Variants in PEAK1 observed in about 807,000 individuals in gnomAD.
PEAK1 encodes inactive tyrosine-protein kinase PEAK1.
In PEAK1, 54 loss-of-function variants were observed where a neutral mutation model predicts 124.7. The observed-to-expected ratio is 0.43, with a 90% CI of 0.35 to 0.54. PEAK1 has a LOEUF of 0.54. Ranked by LOEUF, PEAK1 falls within the 20% of genes least tolerant of loss-of-function variation. The pLI, the probability that PEAK1 is intolerant of heterozygous loss-of-function variation, is 0.01. For missense variants in PEAK1, 2,046 were observed against 2,134.5 expected, an observed-to-expected ratio of 0.96 and a Z score of 0.82; for synonymous variants, 719 against 760.0, an observed-to-expected ratio of 0.95 and a Z score of 0.89.
In PEAK1 at chr15:77,401,408, T is replaced by C. The variant is rs2071367004; in HGVS notation, c.-666+18598A>G. The stretch of plus-strand genomic sequence containing the variant: ...AATTTTAGCACTAATTAAGAATACT[T>C]TTTCTTGTTCTTTCAACATTTTCCT... On this transcript the variant is annotated intron_variant, in intron 1 of 9. Transcript: ENST00000682557. The C allele has an allele frequency of 7.0e-6, 5 of 712,988 alleles. No individual in the cohort carries two copies. In the South Asian group the frequency reaches 3.1e-4, roughly 45 times the overall value. 44.2% of individuals were successfully genotyped at this position (712,988 alleles called of 1,614,324 possible).
intron 1 of PEAK1, among the ~76,000 whole-genome samples, chr15:77,370,327 C>CA (rs1322937293): frequency 6.6e-6 from 1 of 151,984 alleles, no homozygotes; most frequent in East Asian, 1.9e-4. Context: ...CAGGTACACA[C>CA]AAAAAAGTTT....
At chr15:77,325,401 C>T (rs1156538260) in intron 2 of PEAK1, among the ~76,000 whole-genome samples, 1 of 145,954 alleles carries the variant, frequency 6.9e-6, no homozygotes, top group Non-Finnish European at 1.5e-5. Context: ...GAGCAAGATC[C>T]CATCTCAATA....
intron 2 of PEAK1, among the ~76,000 whole-genome samples, chr15:77,332,676 C>T (rs1011186277): frequency 2.7e-4 from 41 of 151,936 alleles, no homozygotes; most frequent in African/African-American, 9.9e-4. Context: ...TGGTTGTTTC[C>T]AAGCACCCTG....
intron 6 of PEAK1, among the ~76,000 whole-genome samples, chr15:77,236,119 C>CA (rs2060110474): frequency 6.6e-6 from 1 of 152,226 alleles, no homozygotes; most frequent in Non-Finnish European, 1.5e-5. Context: ...AGTCTCCACA[C>CA]AGAGTCCCCA....
intron 6 of PEAK1, among the ~76,000 whole-genome samples, chr15:77,200,619 T>G (rs2058317754): frequency 6.6e-6 from 1 of 152,214 alleles, no homozygotes; most frequent in Non-Finnish European, 1.5e-5. Flanking sequence ...CATAGTAGAT[T>G]CACATTTTAC....
intron 6 of PEAK1, among the ~76,000 whole-genome samples, chr15:77,236,427 G>A (rs1445759850): frequency 6.6e-6 from 1 of 152,170 alleles, no homozygotes; most frequent in Non-Finnish European, 1.5e-5. Flanking sequence ...ACTTGCATGA[G>A]GCCTATAGTC....
At chr15:77,378,927 G>A (rs2069249859) in intron 1 of PEAK1, among the ~76,000 whole-genome samples, 1 of 152,154 alleles carries the variant, frequency 6.6e-6, no homozygotes, top group Admixed American at 6.6e-5. Context: ...GTGTAAGTCC[G>A]AGGATTTTGC....
chr15:77,162,945 TATTG>T (rs373402891), intron 7 of PEAK1, among the ~76,000 whole-genome samples: 3 of 152,352 alleles, frequency 2.0e-5, no homozygotes, highest in East Asian at 1.9e-4. Context: ...TACAATTTGA[TATTG>T]ATTACTATAA....
intron 5 of PEAK1, among the ~76,000 whole-genome samples, chr15:77,263,431 C>T (rs866986586): frequency 3.7e-4 from 56 of 152,114 alleles, no homozygotes; most frequent in Middle Eastern, 3.4e-3. Context: ...ATATCACCAC[C>T]GATCCCACAG....
At chr15:77,375,144 CAG>C (rs1567323799) in intron 1 of PEAK1, among the ~76,000 whole-genome samples, 1 of 152,156 alleles carries the variant, frequency 6.6e-6, no homozygotes, top group South Asian at 2.1e-4. Context: ...GTAATAGTTA[CAG>C]TATCTATCAT....
rs539824358 is a variant in PEAK1, at chr15:77,120,803, A to G, written c.4078-5484T>C. 5.9e-5 allele frequency among the ~76,000 whole-genome samples: 9 copies of G among 152,038 alleles called. No individual in the cohort carries two copies. The South Asian group carries it at 1.9e-3, about 32-fold the overall frequency. On this transcript the variant is annotated intron_variant, in intron 9 of 9. Coordinates refer to ENST00000682557, the MANE Select transcript of PEAK1 (RefSeq NM_001385026.1). ...GCCTCCCTTTCCAGTCCTACTTCCC[A>G]CCTGTGTTCCATTTGCTCTTACTAT...
At chr15:77,144,692 T>A (rs987240659) in intron 8 of PEAK1, among the ~76,000 whole-genome samples, 7 of 152,142 alleles carry the variant, frequency 4.6e-5, no homozygotes, top group African/African-American at 1.7e-4. Flanking sequence ...CACATGAGAA[T>A]CAGAAACTTA....
chr15:77,400,312 T>C (rs576462281), intron 1 of PEAK1, among the ~76,000 whole-genome samples: 1 of 152,266 alleles, frequency 6.6e-6, no homozygotes. Context: ...CATTCTCAGG[T>C]ATATACCCAT....
chr15:77,223,932 T>A (rs1291040911), intron 6 of PEAK1, among the ~76,000 whole-genome samples: 1 of 150,976 alleles, frequency 6.6e-6, no homozygotes, highest in Non-Finnish European at 1.5e-5. Flanking sequence ...CTTACATCTG[T>A]TAGGTTTAGA....
chr15:77,250,067 C>G lies in PEAK1; in HGVS notation c.-115+2300G>C, dbSNP rs559440008. ...CACATGTCTACCAGTGACAAGGGCA[C>G]AAAAAAGCTCCAATAATGCCACAAG... On this transcript the variant is annotated intron_variant, in intron 6 of 9. Transcript: ENST00000682557. Among the ~76,000 whole-genome samples, 4 of 149,498 alleles carry G rather than the reference C, an allele frequency of 2.7e-5. No individual in the cohort carries two copies. The South Asian group carries it at 8.4e-4, about 32-fold the overall frequency.
At chr15:77,298,272 G>A in intron 2 of PEAK1, among the ~76,000 whole-genome samples, 1 of 112,458 alleles carries the variant, frequency 8.9e-6, no homozygotes, top group Admixed American at 1.3e-4. Context: ...AGGCTGGAAT[G>A]CAGTGGCACA....
intron 5 of PEAK1, among the ~76,000 whole-genome samples, chr15:77,281,747 C>T (rs546608704): frequency 7.2e-5 from 11 of 152,132 alleles, no homozygotes; most frequent in African/African-American, 2.4e-4. Flanking sequence ...GAAAAATAAA[C>T]GTGGCATACA....
At chr15:77,345,763 A>G (rs567213990) in intron 2 of PEAK1, 1 of 361,618 alleles carries the variant, frequency 2.8e-6, no homozygotes, top group African/African-American at 2.2e-5. Flanking sequence ...ACACACACAA[A>G]AAGATAAATG....
At chr15:77,138,305 G>A (rs898807964) in intron 8 of PEAK1, among the ~76,000 whole-genome samples, 1 of 152,176 alleles carries the variant, frequency 6.6e-6, no homozygotes, top group South Asian at 2.1e-4. Flanking sequence ...TGCAGGACTG[G>A]AAGTAGCCCT....
Sources: gnomAD v4.1 joint callset for allele counts (sites outside exome capture counted in the v4.1 genomes callset) on GRCh38, gnomAD v4.1.1 for gene constraint, MANE v1.5 for transcripts, NCBI Gene and HGNC (gene_info 2026-07-23, HGNC 2026-07-21) for gene names.